Variants in RAB30 observed in about 807,000 individuals in gnomAD.
The protein encoded by RAB30 is RAB30, member RAS oncogene family, also known as ras-related protein Rab-30.
RAB30 carries 9 observed loss-of-function variants against 25.1 expected under a neutral mutation model. The ratio of observed to expected loss-of-function variants is 0.36; its 90% confidence interval spans 0.22 to 0.63. RAB30 has a LOEUF of 0.63. RAB30 is among the 20% of genes least tolerant of loss of function. The pLI is 0.69. For missense variants in RAB30, 140 were observed against 243.5 expected (o/e 0.58, Z 2.83); for synonymous variants, 77 against 86.4 (o/e 0.89, Z 0.60).
At chr11:83,018,802 G>A (rs1168684557) in intron 1 of RAB30, among the ~76,000 whole-genome samples, 1 of 152,134 alleles carries the variant, frequency 6.6e-6, no homozygotes, top group Middle Eastern at 3.2e-3. Context: ...TGATGATATT[G>A]TCTAGAATTT....
rs1856551217 is a variant in RAB30 at position 82,976,671 on chromosome 11, C to G, written c.*5494G>C. On this transcript the variant is annotated 3_prime_UTR_variant, in exon 5 of 5. Coordinates refer to ENST00000527633, the MANE Select transcript of RAB30 (RefSeq NM_001286060.2). ...CAAAGGAGTCCAAGAAAGTCTCAAT[C>G]AAACTCAAATAGATTTGTCACCATA... 1 of 152,144 alleles carries G rather than the reference C, an allele frequency of 6.6e-6. No individual in the cohort carries two copies. Among genetic ancestry groups the G allele is most frequent in the South Asian group, 2.1e-4 (1 of 4,816 alleles). 9.4% of individuals were successfully genotyped at this position (152,144 alleles called of 1,614,324 possible).
chr11:83,055,571 C>T (rs1311428905), intron 1 of RAB30, among the ~76,000 whole-genome samples: 2 of 152,230 alleles, frequency 1.3e-5, no homozygotes, highest in Non-Finnish European at 2.9e-5. Context: ...CTTCCTGTCT[C>T]ACTGATCACT....
rs1856561388 is a variant in RAB30, at chr11:82,977,281, A to C, written c.*4884T>G. 6.6e-6 allele frequency: 1 copy of C among 152,222 alleles called. No individual in the cohort carries two copies. Among genetic ancestry groups the C allele is most frequent in the Non-Finnish European group, 1.5e-5 (1 of 68,032 alleles). 9.4% of individuals were successfully genotyped at this position (152,222 alleles called of 1,614,324 possible). Reference sequence around the variant, plus strand: ...TAATGGAGGGCCAGTCTCTTGGCCTAACAACGTGCAACCAACCTCTTCCCT... The same window carrying C: ...TAATGGAGGGCCAGTCTCTTGGCCTCACAACGTGCAACCAACCTCTTCCCT... On this transcript the variant is annotated 3_prime_UTR_variant, in exon 5 of 5. Transcript: ENST00000527633.
At chr11:83,031,597 G>A (rs1022922935) in intron 1 of RAB30, among the ~76,000 whole-genome samples, 1 of 149,806 alleles carries the variant, frequency 6.7e-6, no homozygotes, top group Admixed American at 6.7e-5. Flanking sequence ...GTGCAATCTC[G>A]GCACACCGCA....
intron 1 of RAB30, among the ~76,000 whole-genome samples, chr11:83,000,152 A>G (rs1428313458): frequency 6.6e-6 from 1 of 152,208 alleles, no homozygotes; most frequent in Non-Finnish European, 1.5e-5. Flanking sequence ...AAGCAGTCGT[A>G]AGGTCCCACA....
intron 1 of RAB30, among the ~76,000 whole-genome samples, chr11:82,997,918 A>G (rs1260564921): frequency 6.6e-6 from 1 of 152,110 alleles, no homozygotes; most frequent in Non-Finnish European, 1.5e-5. Context: ...GGGCCTCCCA[A>G]AGTGCCTGTC....
chr11:83,001,509 A>G (rs1857085609), intron 1 of RAB30, among the ~76,000 whole-genome samples: 1 of 152,190 alleles, frequency 6.6e-6, no homozygotes, highest in African/African-American at 2.4e-5. Context: ...ACCTCTGGGT[A>G]AAAATTGGTC....
intron 1 of RAB30, among the ~76,000 whole-genome samples, chr11:83,052,190 C>T (rs185539984): frequency 9.9e-5 from 15 of 152,284 alleles, no homozygotes; most frequent in East Asian, 9.6e-4. Context: ...CTGTAAAACA[C>T]GCTACAGGCT....
At chr11:82,993,925 C>A (rs3793986) in intron 3 of RAB30, 114 bp downstream of exon 3, 244,196 of 801,708 alleles carry the variant, frequency 0.3, 38,672 homozygotes, top group Admixed American at 0.33. Flanking sequence ...TGGCTGAGTG[C>A]ATTGTTTCCA....
At chr11:83,020,716 C>T (rs1447910654) in intron 1 of RAB30, among the ~76,000 whole-genome samples, 3 of 152,196 alleles carry the variant, frequency 2.0e-5, no homozygotes, top group Admixed American at 1.3e-4. Context: ...CCTCTAAGAC[C>T]CATAAAAGCC....
rs769980523 is a variant in RAB30 at position 82,978,041 on chromosome 11, T to G, written c.*4124A>C. 1 of 152,162 alleles carries G rather than the reference T, an allele frequency of 6.6e-6. No individual in the cohort carries two copies. Among genetic ancestry groups the G allele is most frequent in the African/African-American group, 2.4e-5 (1 of 41,436 alleles). The allele number at this position is 152,162 out of a possible 1,614,324, so 9.4% of individuals were successfully genotyped here. On this transcript the variant is annotated 3_prime_UTR_variant, in exon 5 of 5. Coordinates refer to ENST00000527633, the MANE Select transcript of RAB30 (RefSeq NM_001286060.2). ...ACATATCCCTCCCTTATCCCAAAAT[T>G]AGTGTTTAACCATGCTGCTTAAATG...
At chr11:83,010,861 G>T (rs1261406887) in intron 1 of RAB30, among the ~76,000 whole-genome samples, 1 of 152,190 alleles carries the variant, frequency 6.6e-6, no homozygotes, top group East Asian at 1.9e-4. Context: ...CCAAAGGAAA[G>T]TTCCATATAG....
At chr11:83,041,505 A>G in intron 1 of RAB30, 1 of 222,342 alleles carries the variant, frequency 4.5e-6, no homozygotes, top group Non-Finnish European at 9.3e-6. Context: ...TACAAGAAAC[A>G]GGCTGCATAC....
chr11:83,006,871 G>C (rs17444796), intron 1 of RAB30, among the ~76,000 whole-genome samples: 2,691 of 152,280 alleles, frequency 0.018, 69 homozygotes, highest in East Asian at 0.098. Flanking sequence ...CTACAAGGAG[G>C]ATTCATTCTT....
At chr11:83,032,623 T>C (rs1204624451) in intron 1 of RAB30, among the ~76,000 whole-genome samples, 1 of 152,200 alleles carries the variant, frequency 6.6e-6, no homozygotes, top group Non-Finnish European at 1.5e-5. Context: ...TGCTACTGCA[T>C]CTGGTCACAA....
chr11:82,988,697 C>T (rs2127360), intron 3 of RAB30, among the ~76,000 whole-genome samples: 3 of 152,120 alleles, frequency 2.0e-5, no homozygotes, highest in Admixed American at 6.6e-5. Flanking sequence ...CTACTGAAAA[C>T]GAATTATTCT....
At chr11:83,060,457 G>A (rs1216777633) in intron 1 of RAB30, among the ~76,000 whole-genome samples, 2 of 152,116 alleles carry the variant, frequency 1.3e-5, no homozygotes, top group African/African-American at 4.8e-5. Flanking sequence ...CCTTTCAATG[G>A]AGAGATCTGG....
At chr11:83,027,277 T>TA (rs1246080802) in intron 1 of RAB30, among the ~76,000 whole-genome samples, 12 of 151,070 alleles carry the variant, frequency 7.9e-5, no homozygotes, top group African/African-American at 1.5e-4. Context: ...GCATTCCCCA[T>TA]AAAAAAAAAG....
At chr11:83,067,961 C>G (rs184105663) in intron 1 of RAB30, among the ~76,000 whole-genome samples, 1 of 151,934 alleles carries the variant, frequency 6.6e-6, no homozygotes, top group East Asian at 1.9e-4. Flanking sequence ...GACCCTATCT[C>G]TACTAAATAT....
Sources: gnomAD v4.1 joint callset for allele counts (sites outside exome capture counted in the v4.1 genomes callset) on GRCh38, gnomAD v4.1.1 for gene constraint, MANE v1.5 for transcripts, NCBI Gene and HGNC (gene_info 2026-07-23, HGNC 2026-07-21) for gene names.